CSMD1: variants seen among roughly 807,000 people sequenced by gnomAD.
CSMD1 encodes CUB and Sushi multiple domains 1, also known as CUB and sushi domain-containing protein 1.
Under a neutral mutation model 417.5 loss-of-function variants are expected in CSMD1, and 213 were observed. That is an observed-to-expected ratio of 0.51 (90% CI 0.46 to 0.57). The LOEUF (loss-of-function observed/expected upper bound fraction) is 0.57. Among genes scored for constraint, CSMD1 ranks in the 20% least tolerant of loss-of-function variants. The pLI is 0.00. For synonymous variants in CSMD1, 2,862 were observed against 1,736.8 expected (o/e 1.65, Z -16.11); for missense variants, 6,923 against 4,529.7 (o/e 1.53, Z -15.17).
chr8:4,392,196 G>C (rs529999276), intron 3 of CSMD1, among the ~76,000 whole-genome samples: 24 of 152,188 alleles, frequency 1.6e-4, no homozygotes, highest in Non-Finnish European at 2.6e-4. Context: ...TCTTGAGGTT[G>C]CTTTTTACAC....
At chr8:3,855,347 C>G (rs886091028) in intron 5 of CSMD1, among the ~76,000 whole-genome samples, 1 of 152,084 alleles carries the variant, frequency 6.6e-6, no homozygotes, top group African/African-American at 2.4e-5. Flanking sequence ...GAAATACACT[C>G]ACATCCTAAT....
chr8:3,277,320 G>A lies in CSMD1; in HGVS notation c.4153+6824C>T, dbSNP rs565403189. Among the ~76,000 whole-genome samples, 16 of 152,138 alleles carry A rather than the reference G, an allele frequency of 1.1e-4. No homozygotes were observed. In the South Asian group the frequency reaches 1.9e-3, roughly 18 times the overall value. The stretch of plus-strand genomic sequence containing the variant: ...AGTGAGGCGTTGCCCACGTTGCTGC[G>A]GAAAAGGTTCACCTGGGTGCCTGTG... On this transcript the variant is annotated intron_variant, in intron 26 of 69. Coordinates refer to ENST00000635120, the MANE Select transcript of CSMD1 (RefSeq NM_033225.6).
chr8:3,705,620 G>C (rs73658213), intron 7 of CSMD1, among the ~76,000 whole-genome samples: 1 of 152,196 alleles, frequency 6.6e-6, no homozygotes, highest in Non-Finnish European at 1.5e-5. Context: ...AGGGGGCTGT[G>C]GAACAAGAGC....
intron 3 of CSMD1, among the ~76,000 whole-genome samples, chr8:4,246,482 A>C (rs1802716780): frequency 6.6e-6 from 1 of 152,190 alleles, no homozygotes; most frequent in Non-Finnish European, 1.5e-5. Context: ...CTTGTTACAG[A>C]GATAAGAGTT....
At position 3,100,741 on chromosome 8, in the gene CSMD1, A is replaced by G. The variant is rs145172745; in HGVS notation, c.6950-3704T>C. Among the ~76,000 whole-genome samples the G allele has an allele frequency of 6.4e-3, 970 of 152,312 alleles. 6 individuals carry two copies. The highest frequency in any genetic ancestry group is 0.023 in the South Asian group (110 of 4,816). On this transcript the variant is annotated intron_variant, in intron 46 of 69. Transcript: ENST00000635120. ...CAAAGCATCTTATTCAACGCATCTC[A>G]TAGGCCTTCAGCAAAACTAATAGCA...
chr8:3,610,162 T>A (rs182027635), intron 8 of CSMD1, among the ~76,000 whole-genome samples: 5 of 152,268 alleles, frequency 3.3e-5, no homozygotes, highest in Admixed American at 3.3e-4. Flanking sequence ...AAGGCATCCT[T>A]ACTTGGCTGT....
intron 1 of CSMD1, among the ~76,000 whole-genome samples, chr8:4,646,023 C>T (rs909105398): frequency 6.6e-6 from 1 of 152,196 alleles, no homozygotes; most frequent in Non-Finnish European, 1.5e-5. Flanking sequence ...TCCCAGATCT[C>T]ACATCGATGT....
At chr8:4,892,662 A>T (rs1238810447) in intron 1 of CSMD1, among the ~76,000 whole-genome samples, 2 of 152,022 alleles carry the variant, frequency 1.3e-5, no homozygotes, top group Admixed American at 6.5e-5. Flanking sequence ...TCTTCTTCAG[A>T]CTTATGTTTT....
At chr8:3,773,943 C>T (rs1798758748) in intron 5 of CSMD1, among the ~76,000 whole-genome samples, 1 of 152,158 alleles carries the variant, frequency 6.6e-6, no homozygotes, top group Admixed American at 6.5e-5. Context: ...TGACATTGCA[C>T]AGCTAACAGG....
At chr8:3,305,757 G>A (rs535299667) in intron 25 of CSMD1, among the ~76,000 whole-genome samples, 2 of 152,284 alleles carry the variant, frequency 1.3e-5, no homozygotes, top group East Asian at 1.9e-4. Context: ...TCAGCTCACT[G>A]CAGGCTCCAC....
chr8:3,083,717 G>A (rs1331232452), intron 49 of CSMD1, among the ~76,000 whole-genome samples: 9 of 127,210 alleles, frequency 7.1e-5, no homozygotes, highest in Admixed American at 1.9e-4. Flanking sequence ...GTGCAGTGCC[G>A]TGATCTCGGC....
At chr8:3,140,327 TTCTCTC>T (rs531790394) in intron 41 of CSMD1, among the ~76,000 whole-genome samples, 1 of 134,026 alleles carries the variant, frequency 7.5e-6, no homozygotes, top group Non-Finnish European at 1.7e-5. Flanking sequence ...CTCTCTGATG[TTCTCTC>T]TCTCTCTCTC....
At chr8:2,987,051 A>C (rs1438776545) in intron 54 of CSMD1, among the ~76,000 whole-genome samples, 3 of 151,954 alleles carry the variant, frequency 2.0e-5, no homozygotes, top group Middle Eastern at 3.2e-3. Flanking sequence ...ACTCAGCCCT[A>C]AGGCAAAGTT....
At chr8:4,956,666 A>G (rs550700827) in intron 1 of CSMD1, among the ~76,000 whole-genome samples, 1 of 152,204 alleles carries the variant, frequency 6.6e-6, no homozygotes, top group South Asian at 2.1e-4. Flanking sequence ...CTTTCAGAAA[A>G]CAAACAAGTT....
intron 4 of CSMD1, among the ~76,000 whole-genome samples, chr8:4,016,414 G>A (rs1050879052): frequency 2.0e-5 from 3 of 152,250 alleles, no homozygotes; most frequent in African/African-American, 4.8e-5. Context: ...GAAGATGCAT[G>A]ACCCTGCAGC....
intron 5 of CSMD1, among the ~76,000 whole-genome samples, chr8:3,858,086 T>A (rs1804439881): frequency 6.6e-6 from 1 of 152,350 alleles, no homozygotes; most frequent in Admixed American, 6.5e-5. Flanking sequence ...TTTGTGACTG[T>A]CCAATTGAAT....
intron 3 of CSMD1, among the ~76,000 whole-genome samples, chr8:4,184,102 G>T (rs927012311): frequency 2.6e-5 from 4 of 152,074 alleles, no homozygotes; most frequent in Admixed American, 2.0e-4. Flanking sequence ...TACATTTTAG[G>T]AATGTTAACT....
Position 4,340,513 on chromosome 8 carries a change from A to G in CSMD1, c.415+79440T>C, listed in dbSNP as rs74378990. On this transcript the variant is annotated intron_variant, in intron 3 of 69. Coordinates refer to ENST00000635120, the MANE Select transcript of CSMD1 (RefSeq NM_033225.6). Reference sequence around the variant, plus strand: ...TGGTCGAGTCCCCAATGTCATGGTTAGACTTTATTATATGTCAGATGAATC... The same window carrying G: ...TGGTCGAGTCCCCAATGTCATGGTTGGACTTTATTATATGTCAGATGAATC... 5.6e-3 allele frequency among the ~76,000 whole-genome samples: 847 copies of G among 152,222 alleles called. 4 individuals are homozygous for G. Among genetic ancestry groups the G allele is most frequent in the Non-Finnish European group, 9.7e-3 (661 of 68,004 alleles).
At chr8:2,991,241 A>G (rs1806358176) in intron 54 of CSMD1, among the ~76,000 whole-genome samples, 1 of 152,328 alleles carries the variant, frequency 6.6e-6, no homozygotes, top group Admixed American at 6.5e-5. Context: ...ATGCTAAAAT[A>G]CTTCTTAATA....
Sources: allele counts gnomAD v4.1 joint callset (sites outside exome capture counted in the v4.1 genomes callset), GRCh38; gene constraint gnomAD v4.1.1; transcripts MANE v1.5; gene names NCBI Gene and HGNC (gene_info 2026-07-23, HGNC 2026-07-21).